The following B4GALT6 variants were observed in gnomAD, a reference collection of about 807,000 sequenced individuals.
The protein encoded by B4GALT6 is beta-1,4-galactosyltransferase 6.
Under a neutral mutation model 46.3 loss-of-function variants are expected in B4GALT6, and 14 were observed. The ratio of observed to expected loss-of-function variants is 0.30; its 90% CI spans 0.20 to 0.47. The LOEUF (loss-of-function observed/expected upper bound fraction) is 0.47. Ranked by LOEUF, B4GALT6 falls within the 20% of genes least tolerant of loss-of-function variation. B4GALT6 has a pLI of 0.99. For synonymous variants in B4GALT6, 168 were observed against 162.0 expected, an observed-to-expected ratio of 1.04 and a Z score of -0.28; for missense variants, 386 against 480.1, an observed-to-expected ratio of 0.80 and a Z score of 1.83.
upstream of B4GALT6, among the ~76,000 whole-genome samples, chr18:31,689,271 G>T (rs527884224): frequency 6.6e-5 from 10 of 152,258 alleles, no homozygotes. Flanking sequence ...ATCCTAGGCC[G>T]ACTGGAAAAA....
chr18:31,640,139 C>T (rs2073911646), intron 4 of B4GALT6, among the ~76,000 whole-genome samples: 1 of 152,038 alleles, frequency 6.6e-6, no homozygotes, highest in Non-Finnish European at 1.5e-5. Context: ...CTCTGTGTTA[C>T]TCTATAATCT....
intron 5 of B4GALT6, among the ~76,000 whole-genome samples, chr18:31,633,851 G>C (rs1489372548): frequency 6.6e-6 from 1 of 152,164 alleles, no homozygotes; most frequent in African/African-American, 2.4e-5. Context: ...TCTCTACCCT[G>C]AGTGCCATGG....
At chr18:31,716,813 A>G in the B4GALT6 span, among the ~76,000 whole-genome samples, 6 of 152,112 alleles carry the variant, frequency 3.9e-5, no homozygotes, top group Non-Finnish European at 7.4e-5. Context: ...TAAGAAATAA[A>G]ATTAGTAGGC....
intron 3 of B4GALT6, among the ~76,000 whole-genome samples, chr18:31,655,949 T>C (rs1667289): frequency 6.6e-6 from 1 of 152,082 alleles, no homozygotes; most frequent in Non-Finnish European, 1.5e-5. Context: ...TCTAGATCAG[T>C]GGGTCTCAAT....
chr18:31,623,085 C>T lies in B4GALT6; in HGVS notation c.*2529G>A, dbSNP rs768030775. On this transcript the variant is annotated 3_prime_UTR_variant, in exon 9 of 9. Coordinates refer to ENST00000306851, the MANE Select transcript of B4GALT6 (RefSeq NM_004775.5). ...TGTTTAGAAATGAAGTAATAATACT[C>T]CTTCCATAGACATACCTAGCATTGC... 7 of 152,032 alleles carry T rather than the reference C, an allele frequency of 4.6e-5. No homozygotes were observed. The highest frequency in any genetic ancestry group is 8.8e-5 in the Non-Finnish European group (6 of 67,900). 9.4% of individuals were successfully genotyped at this position (152,032 alleles called of 1,614,324 possible).
chr18:31,640,386 A>G (rs1281118981), intron 4 of B4GALT6, among the ~76,000 whole-genome samples: 1 of 152,244 alleles, frequency 6.6e-6, no homozygotes, highest in Non-Finnish European at 1.5e-5. Context: ...CCAGGATCAT[A>G]GATGGCAGAA....
At chr18:31,707,049 A>G in the B4GALT6 span, among the ~76,000 whole-genome samples, 1 of 152,134 alleles carries the variant, frequency 6.6e-6, no homozygotes, top group Non-Finnish European at 1.5e-5. Context: ...CATTACCTAT[A>G]CTACTCTGTC....
At chr18:31,628,010 A>T (rs2073723367) in intron 6 of B4GALT6, among the ~76,000 whole-genome samples, 1 of 152,222 alleles carries the variant, frequency 6.6e-6, no homozygotes, top group South Asian at 2.1e-4. Context: ...GCTGTCTCAG[A>T]GGAGGGAACT....
chr18:31,669,407 T>C (rs2074323850), intron 1 of B4GALT6, among the ~76,000 whole-genome samples: 1 of 152,266 alleles, frequency 6.6e-6, no homozygotes, highest in South Asian at 2.1e-4. Context: ...ATAAGACTTG[T>C]CATATTTGTG....
chr18:31,658,039 A>G lies in B4GALT6; in HGVS notation c.283T>C (p.Tyr95His). 1 of 1,613,504 alleles carries G rather than the reference A, an allele frequency of 6.2e-7. No individual in the cohort carries two copies. Among genetic ancestry groups the G allele is most frequent in the Non-Finnish European group, 8.5e-7 (1 of 1,179,844 alleles). The part of the protein sequence containing the change: ...SSDYLVQTTT[Y>H]LPENFTYSPY... ...GAGTATGTGAAGTTTTCCGGGAGAT[A>G]CGTTGTTGTTTGAACAAGATAATCA... The change falls in exon 3 of 9, where the codon TAT becomes CAT. Residue 95 changes from tyrosine (Y) to histidine (H), a missense_variant. By Grantham distance (83) the Tyr-to-His change is moderately conservative. Around this residue, in one of 2 missense-constraint regions of B4GALT6, gnomAD observed 323 missense variants for 438.9 expected, o/e 0.74. Coordinates refer to ENST00000306851, the MANE Select transcript of B4GALT6 (RefSeq NM_004775.5).
chr18:31,684,393 T>G lies in B4GALT6; in HGVS notation c.34A>C (p.Asn12His). The G allele has an allele frequency of 6.2e-7, 1 of 1,613,646 alleles. No individual in the cohort carries two copies. Among genetic ancestry groups the G allele is most frequent in the Non-Finnish European group, 8.5e-7 (1 of 1,179,880 alleles). The change falls in exon 1 of 9, where the codon AAT becomes CAT. Residue 12 changes from asparagine (N) to histidine (H), a missense_variant. Around this residue, in one of 2 missense-constraint regions of B4GALT6, gnomAD observed 63 missense variants for 41.3 expected, o/e 1.53. Coordinates refer to ENST00000306851, the MANE Select transcript of B4GALT6 (RefSeq NM_004775.5). ...SVLRRMMRVS[N>H]RSLLAFIFFF... ...AAGATGAAGGCGAGGAGAGAGCGAT[T>G]GGAAACCCGCATCATCCGCCTGAGC...
At chr18:31,694,244 A>G in the B4GALT6 span, among the ~76,000 whole-genome samples, 2 of 152,370 alleles carry the variant, frequency 1.3e-5, no homozygotes, top group Admixed American at 6.5e-5. Context: ...AGATTAATCT[A>G]TCTATAAATA....
chr18:31,636,069 A>G (rs1012482027), intron 5 of B4GALT6, among the ~76,000 whole-genome samples: 4 of 152,366 alleles, frequency 2.6e-5, no homozygotes, highest in East Asian at 1.9e-4. Flanking sequence ...AAGCAATTCA[A>G]TGGCGAAAAC....
chr18:31,722,779 A>G, the B4GALT6 span, among the ~76,000 whole-genome samples: 1 of 152,198 alleles, frequency 6.6e-6, no homozygotes, highest in Non-Finnish European at 1.5e-5. Flanking sequence ...CCACAGCGCT[A>G]CTATGATCCC....
chr18:31,688,036 G>A (rs1431058418), upstream of B4GALT6, among the ~76,000 whole-genome samples: 1 of 151,982 alleles, frequency 6.6e-6, no homozygotes. Context: ...GGTAGCTAAA[G>A]ATTCAGATCT....
intron 3 of B4GALT6, among the ~76,000 whole-genome samples, chr18:31,655,301 G>A (rs1019561396): frequency 2.6e-5 from 4 of 152,248 alleles, no homozygotes; most frequent in South Asian, 2.1e-4. Context: ...TGGCCACCAC[G>A]GCCACCACTA....
the B4GALT6 span, among the ~76,000 whole-genome samples, chr18:31,714,861 G>A: frequency 6.6e-6 from 1 of 152,138 alleles, no homozygotes; most frequent in Non-Finnish European, 1.5e-5. Flanking sequence ...CTCTATGGCA[G>A]GCCCTACTCA....
At chr18:31,653,738 G>A (rs972324534) in intron 3 of B4GALT6, among the ~76,000 whole-genome samples, 3 of 152,024 alleles carry the variant, frequency 2.0e-5, no homozygotes, top group African/African-American at 4.8e-5. Context: ...GAGCCACCAC[G>A]CCCGGCCTCA....
intron 2 of B4GALT6, among the ~76,000 whole-genome samples, chr18:31,664,442 A>T (rs902623525): frequency 6.6e-6 from 1 of 152,200 alleles, no homozygotes; most frequent in Non-Finnish European, 1.5e-5. Context: ...AAAGTTTCAT[A>T]AAAGTAAGCA....
Sources: gnomAD v4.1 joint callset for allele counts (sites outside exome capture counted in the v4.1 genomes callset) on GRCh38, gnomAD v4.1.1 for gene constraint, gnomAD v4.1.1 regional missense constraint, MANE v1.5 for transcripts, NCBI Gene and HGNC (gene_info 2026-07-23, HGNC 2026-07-21) for gene names.